PRH1: variants seen among roughly 807,000 people sequenced by gnomAD.
PRH1 encodes the protein proline rich protein HaeIII subfamily 1.
A neutral mutation model predicts 7.9 loss-of-function variants in PRH1; 7 were observed. The ratio of observed to expected loss-of-function variants is 0.89; its 90% CI spans 0.50 to 1.67. The LOEUF (loss-of-function observed/expected upper bound fraction) is 1.67. PRH1 is among the 40% of genes most tolerant of loss of function. The pLI, the probability that PRH1 is intolerant of heterozygous loss-of-function variation, is 0.00. For synonymous variants in PRH1, 45 were observed against 80.8 expected (o/e 0.56, Z 2.38); for missense variants, 109 against 223.6 (o/e 0.49, Z 3.27).
At chr12:11,069,494 A>C (rs1943969737) in intron 1 of PRH1, among the ~76,000 whole-genome samples, 1 of 15,240 alleles carries the variant, frequency 6.6e-5, no homozygotes, top group South Asian at 7.8e-3. Context: ...TGAGAAGTGG[A>C]GTGGTGCCCA....
At chr12:11,171,380 C>G in intron 1 of PRH1, 2 of 1,231,984 alleles carry the variant, frequency 1.6e-6, no homozygotes, top group Non-Finnish European at 2.0e-6. Context: ...CGGCTCCGTC[C>G]TCCTTGGCCG....
intron 1 of PRH1, among the ~76,000 whole-genome samples, chr12:11,160,663 G>T (rs1348393639): frequency 6.6e-6 from 1 of 152,070 alleles, no homozygotes; most frequent in Non-Finnish European, 1.5e-5. Flanking sequence ...TAGAGACGGG[G>T]TTTCACCATA....
intron 1 of PRH1, among the ~76,000 whole-genome samples, chr12:11,147,868 T>C (rs972172941): frequency 2.0e-5 from 3 of 152,000 alleles, no homozygotes; most frequent in Non-Finnish European, 4.4e-5. Flanking sequence ...ATCTATAAAT[T>C]ACCTTGGGCA....
At chr12:11,030,345 A>C in intron 1 of PRH1, 1 of 1,550,188 alleles carries the variant, frequency 6.5e-7, no homozygotes, top group African/African-American at 1.4e-5. Flanking sequence ...GAAATATAAA[A>C]TGTTTCATAC....
At chr12:10,899,395 T>G (rs1410313955) in intron 2 of PRH1, among the ~76,000 whole-genome samples, 2 of 152,110 alleles carry the variant, frequency 1.3e-5, no homozygotes, top group Non-Finnish European at 2.9e-5. Context: ...ATCCCCAAAG[T>G]AGTGGTGTTG....
intron 1 of PRH1, chr12:11,077,827 A>G: frequency 9.4e-7 from 1 of 1,060,330 alleles, no homozygotes; most frequent in Admixed American, 1.8e-5. Context: ...ACAAATCAAA[A>G]ATACCAAGGG....
At chr12:10,910,405 C>T (rs1354963062) in intron 2 of PRH1, among the ~76,000 whole-genome samples, 4 of 151,970 alleles carry the variant, frequency 2.6e-5, no homozygotes, top group Admixed American at 6.6e-5. Context: ...GAGGACCGCT[C>T]GAGCCCAAAA....
intron 2 of PRH1, among the ~76,000 whole-genome samples, chr12:10,939,984 C>T (rs1028919669): frequency 6.6e-6 from 1 of 151,838 alleles, no homozygotes; most frequent in Non-Finnish European, 1.5e-5. Flanking sequence ...TAAATGTATG[C>T]AAGTAAAATA....
intron 1 of PRH1, among the ~76,000 whole-genome samples, chr12:11,007,464 T>C (rs1313682999): frequency 2.0e-5 from 3 of 152,126 alleles, no homozygotes; most frequent in Non-Finnish European, 4.4e-5. Flanking sequence ...TTCTCATGCT[T>C]AGGCCTTTGG....
At chr12:11,012,528 T>C (rs1941111396) in intron 1 of PRH1, among the ~76,000 whole-genome samples, 1 of 152,298 alleles carries the variant, frequency 6.6e-6, no homozygotes, top group African/African-American at 2.4e-5. Flanking sequence ...CGATTCTGTG[T>C]TACTTGATAC....
At chr12:11,167,000 G>C (rs1332534402) in intron 1 of PRH1, among the ~76,000 whole-genome samples, 1 of 152,160 alleles carries the variant, frequency 6.6e-6, no homozygotes, top group Non-Finnish European at 1.5e-5. Context: ...GGGCTCATAT[G>C]ATTAGACTGA....
At chr12:11,044,801 T>C (rs543007121) in intron 1 of PRH1, among the ~76,000 whole-genome samples, 2 of 152,260 alleles carry the variant, frequency 1.3e-5, no homozygotes, top group East Asian at 3.9e-4. Context: ...CCAAAAGGCA[T>C]GTAACAAGTG....
intron 1 of PRH1, among the ~76,000 whole-genome samples, chr12:11,054,993 T>G (rs1390407250): frequency 6.6e-6 from 1 of 150,478 alleles, no homozygotes. Flanking sequence ...GTTCATGCCA[T>G]TCTCTTGCCT....
chr12:10,972,706 A>G (rs1938875875), intron 2 of PRH1, among the ~76,000 whole-genome samples: 1 of 152,160 alleles, frequency 6.6e-6, no homozygotes, highest in Admixed American at 6.5e-5. Context: ...GGATATCTAC[A>G]TTTTTGAAGG....
intron 2 of PRH1, among the ~76,000 whole-genome samples, chr12:10,957,879 CAGAAT>C (rs1938051672): frequency 1.3e-5 from 2 of 152,000 alleles, no homozygotes; most frequent in Non-Finnish European, 2.9e-5. Context: ...TCATACCAGT[CAGAAT>C]AGCTATTACT....
At chr12:11,122,985 T>C (rs1454261368) in intron 1 of PRH1, among the ~76,000 whole-genome samples, 1 of 151,752 alleles carries the variant, frequency 6.6e-6, no homozygotes, top group Non-Finnish European at 1.5e-5. Flanking sequence ...CCATAATTTA[T>C]AATGATCTTT....
At chr12:11,021,285 A>G (rs1404342842) in intron 1 of PRH1, among the ~76,000 whole-genome samples, 4 of 152,158 alleles carry the variant, frequency 2.6e-5, no homozygotes, top group Non-Finnish European at 5.9e-5. Flanking sequence ...ATAGTTAAGC[A>G]CATATATGTG....
intron 1 of PRH1, 125 bp downstream of exon 1, chr12:10,884,029 A>C: frequency 8.9e-7 from 1 of 1,121,182 alleles, no homozygotes; most frequent in Non-Finnish European, 1.3e-6. Flanking sequence ...TCTGATCCTC[A>C]GCATGAGAAC....
At chr12:10,995,152 A>T (rs1940154624) in intron 1 of PRH1, among the ~76,000 whole-genome samples, 1 of 152,154 alleles carries the variant, frequency 6.6e-6, no homozygotes, top group African/African-American at 2.4e-5. Context: ...TTACATTTTC[A>T]TTGGTTCACC....
Sources: allele counts gnomAD v4.1 joint callset (sites outside exome capture counted in the v4.1 genomes callset), GRCh38; gene constraint gnomAD v4.1.1; transcripts MANE v1.5; gene names NCBI Gene and HGNC (gene_info 2026-07-23, HGNC 2026-07-21).